CUX1: variants seen among roughly 807,000 people sequenced by gnomAD.
CUX1 encodes cut like homeobox 1.
In CUX1, 31 loss-of-function variants were observed where a neutral mutation model predicts 158.8. The ratio of observed to expected loss-of-function variants is 0.20; its 90% CI spans 0.15 to 0.26. The LOEUF (loss-of-function observed/expected upper bound fraction) is 0.26, where lower values mean the gene tolerates loss of function less well. CUX1 is among the 10% of genes least tolerant of loss of function. The probability of loss-of-function intolerance (pLI) is 1.00; values close to 1 mark genes in which losing one functional copy is unlikely to be tolerated. For missense variants in CUX1, 1,589 were observed against 2,014.6 expected, an observed-to-expected ratio of 0.79 and a Z score of 4.04; for synonymous variants, 879 against 862.1, an observed-to-expected ratio of 1.02 and a Z score of -0.34.
In CUX1 at chr7:102,046,569, A is replaced by AT. The variant is rs55753644; in HGVS notation, c.189+18451dup. Among the ~76,000 whole-genome samples the AT allele has an allele frequency of 1.2e-3, 67 of 55,482 alleles. 5 individuals are homozygous for AT. Among genetic ancestry groups the AT allele is most frequent in the Admixed American group, 2.1e-3 (9 of 4,342 alleles). The allele number at this position is 55,482 out of a possible 152,430, so 36.4% of individuals were successfully genotyped here. A position where few individuals can be genotyped will look rare whatever the true frequency, so the allele number is the denominator to read the frequency against. Reference sequence around the variant, plus strand: ...CCTGTTCTGTTTTGGTTTGGTTTGGATTTTTTTTTTTTTTTTTTTTTTTTT... The same window carrying AT: ...CCTGTTCTGTTTTGGTTTGGTTTGGATTTTTTTTTTTTTTTTTTTTTTTTTT... On this transcript the variant is annotated intron_variant, in intron 3 of 23. Coordinates refer to ENST00000292535, the MANE Select transcript of CUX1 (RefSeq NM_181552.4).
chr7:102,198,107 A>G (rs1421297566), intron 15 of CUX1, among the ~76,000 whole-genome samples: 1 of 152,096 alleles, frequency 6.6e-6, no homozygotes, highest in African/African-American at 2.4e-5. Flanking sequence ...AAAAAATCAA[A>G]AGGTTAGCTG....
intron 1 of CUX1, among the ~76,000 whole-genome samples, chr7:101,848,051 C>CAAAAAAAAAAAAAAAA (rs57428019): frequency 5.4e-4 from 35 of 65,360 alleles, no homozygotes; most frequent in Middle Eastern, 8.8e-3. Flanking sequence ...GAGCAAGACT[C>CAAAAAAAAAAAAAAAA]AAAAAAAAAA....
intron 1 of CUX1, among the ~76,000 whole-genome samples, chr7:101,873,751 T>A (rs1438187961): frequency 6.6e-6 from 1 of 152,058 alleles, no homozygotes; most frequent in Admixed American, 6.6e-5. Flanking sequence ...ACTCGGCTAA[T>A]TTTTTGTATT....
intron 20 of CUX1, among the ~76,000 whole-genome samples, chr7:102,206,958 G>T (rs1408543590): frequency 6.6e-6 from 1 of 152,142 alleles, no homozygotes; most frequent in Non-Finnish European, 1.5e-5. Flanking sequence ...TGCCAGGCCT[G>T]CTAATGATCG....
chr7:101,867,080 G>A (rs1798009293), intron 1 of CUX1, among the ~76,000 whole-genome samples: 1 of 152,174 alleles, frequency 6.6e-6, no homozygotes, highest in African/African-American at 2.4e-5. Context: ...AACTAGCCGG[G>A]CGTGGTGGTG....
chr7:102,254,400 A>G lies in CUX1; in HGVS notation c.*5358A>G, dbSNP rs1435371382. Reference sequence around the variant, plus strand: ...GAACACTCCTTTGCAAACATCAAACATCTCAAAGACGGAAAAGGATAGATG... The same window carrying G: ...GAACACTCCTTTGCAAACATCAAACGTCTCAAAGACGGAAAAGGATAGATG... On this transcript the variant is annotated 3_prime_UTR_variant, in exon 24 of 24. Coordinates refer to ENST00000292535, the MANE Select transcript of CUX1 (RefSeq NM_181552.4). The G allele has an allele frequency of 1.0e-6, 1 of 985,298 alleles. No individual in the cohort carries two copies. The highest frequency in any genetic ancestry group is 1.2e-6 in the Non-Finnish European group (1 of 829,974). 61.0% of individuals were successfully genotyped at this position (985,298 alleles called of 1,614,324 possible). A position where few individuals can be genotyped will look rare whatever the true frequency, so the allele number is the denominator to read the frequency against.
intron 19 of CUX1, chr7:102,280,682 C>T: frequency 2.1e-6 from 2 of 964,980 alleles, no homozygotes; most frequent in Non-Finnish European, 3.2e-6. Context: ...CTGGCAGCCC[C>T]CTGGGGGTCT....
At chr7:102,188,399 A>G (rs1250964376) in intron 11 of CUX1, among the ~76,000 whole-genome samples, 1 of 152,086 alleles carries the variant, frequency 6.6e-6, no homozygotes, top group Non-Finnish European at 1.5e-5. Context: ...TCCCTTTAGA[A>G]AAGATCAAAA....
At chr7:102,047,108 C>G (rs1244205909) in intron 3 of CUX1, among the ~76,000 whole-genome samples, 1 of 152,152 alleles carries the variant, frequency 6.6e-6, no homozygotes, top group Non-Finnish European at 1.5e-5. Context: ...GTATGCCAGG[C>G]TAGACCAGAA....
At chr7:102,165,508 G>A (rs1554508499) in intron 9 of CUX1, among the ~76,000 whole-genome samples, 1 of 151,830 alleles carries the variant, frequency 6.6e-6, no homozygotes, top group African/African-American at 2.4e-5. Context: ...GGGACTACAG[G>A]TGCACACCCC....
At chr7:101,973,270 G>A (rs1260627195) in intron 2 of CUX1, among the ~76,000 whole-genome samples, 3 of 151,974 alleles carry the variant, frequency 2.0e-5, no homozygotes, top group South Asian at 2.1e-4. Context: ...GTGACCCACT[G>A]GGTCACAGTG....
chr7:102,089,429 T>C (rs1489756037), intron 4 of CUX1, among the ~76,000 whole-genome samples: 3 of 152,240 alleles, frequency 2.0e-5, no homozygotes, highest in African/African-American at 7.2e-5. Context: ...GGCAGGCAGT[T>C]AAGTTACTTG....
intron 1 of CUX1, among the ~76,000 whole-genome samples, chr7:101,822,065 A>G (rs1193491472): frequency 6.6e-6 from 1 of 151,766 alleles, no homozygotes; most frequent in Non-Finnish European, 1.5e-5. Flanking sequence ...TGTGTTAGCC[A>G]GGATGGTCTC....
chr7:102,145,140 G>A (rs913839327), intron 8 of CUX1, among the ~76,000 whole-genome samples: 17 of 150,120 alleles, frequency 1.1e-4, no homozygotes, highest in Non-Finnish European at 1.5e-4. Context: ...AGATCCACAC[G>A]TTGCAGTTGG....
At chr7:101,952,838 G>GT (rs1342744906) in intron 2 of CUX1, among the ~76,000 whole-genome samples, 1 of 152,234 alleles carries the variant, frequency 6.6e-6, no homozygotes, top group African/African-American at 2.4e-5. Context: ...CCTGCACTGG[G>GT]TGTGCATAGG....
chr7:102,233,923 C>A lies in CUX1; in HGVS notation c.3434-129C>A, dbSNP rs571911992. On this transcript the variant is annotated intron_variant, in intron 21 of 23. Coordinates refer to ENST00000292535, the MANE Select transcript of CUX1 (RefSeq NM_181552.4). ...ATTTCTACCACATGTTTGCTGTAAG[C>A]TAGGATGTCACCAGCCCAACCCTGA... 486 of 571,086 alleles carry A rather than the reference C, an allele frequency of 8.5e-4. 6 individuals carry two copies. In the South Asian group the frequency reaches 0.012, roughly 14 times the overall value. 35.4% of individuals were successfully genotyped at this position (571,086 alleles called of 1,614,324 possible).
At chr7:102,033,553 C>G (rs1288064675) in intron 3 of CUX1, among the ~76,000 whole-genome samples, 1 of 152,148 alleles carries the variant, frequency 6.6e-6, no homozygotes, top group Non-Finnish European at 1.5e-5. Context: ...ATGTTATAAG[C>G]AACTTTCTGC....
chr7:102,073,749 CACTT>C (rs1826405338), intron 4 of CUX1, among the ~76,000 whole-genome samples: 1 of 152,130 alleles, frequency 6.6e-6, no homozygotes, highest in Non-Finnish European at 1.5e-5. Context: ...CTGCCTTTCT[CACTT>C]AATATTATGA....
intron 23 of CUX1, among the ~76,000 whole-genome samples, chr7:102,242,205 C>CTTT (rs67514665): frequency 0.01 from 957 of 92,338 alleles, 2 homozygotes; most frequent in East Asian, 0.019. Flanking sequence ...TTCTTTCTTT[C>CTTT]TTTTTTTTTT....
Sources: allele counts gnomAD v4.1 joint callset (sites outside exome capture counted in the v4.1 genomes callset), GRCh38; gene constraint gnomAD v4.1.1; transcripts MANE v1.5; gene names NCBI Gene and HGNC (gene_info 2026-07-23, HGNC 2026-07-21).